The following CSMD1 variants were observed in gnomAD, a reference collection of about 807,000 sequenced individuals.
CSMD1 encodes CUB and sushi domain-containing protein 1.
CSMD1 carries 213 observed loss-of-function variants against 417.5 expected under a neutral mutation model. The observed-to-expected ratio is 0.51, with a 90% confidence interval of 0.46 to 0.57. The LOEUF is 0.57. Among genes scored for constraint, CSMD1 ranks in the 20% least tolerant of loss-of-function variants. The pLI is 0.00. For synonymous variants in CSMD1, 2,862 were observed against 1,736.8 expected, an observed-to-expected ratio of 1.65 and a Z score of -16.11; for missense variants, 6,923 against 4,529.7, an observed-to-expected ratio of 1.53 and a Z score of -15.17.
chr8:3,423,686 C>G (rs1036555978), intron 12 of CSMD1, among the ~76,000 whole-genome samples: 4 of 152,180 alleles, frequency 2.6e-5, no homozygotes, highest in Admixed American at 2.0e-4. Context: ...TGAAGAAAGT[C>G]TTACGAATGT....
At chr8:4,258,840 C>G (rs1320187259) in intron 3 of CSMD1, among the ~76,000 whole-genome samples, 2 of 152,122 alleles carry the variant, frequency 1.3e-5, no homozygotes, top group Non-Finnish European at 2.9e-5. Flanking sequence ...GAGCCCCACT[C>G]CTCATGGACA....
At chr8:3,871,571 C>A (rs1297346249) in intron 5 of CSMD1, among the ~76,000 whole-genome samples, 3 of 152,020 alleles carry the variant, frequency 2.0e-5, no homozygotes, top group African/African-American at 7.2e-5. Flanking sequence ...ATTATTGATT[C>A]ATAATTTTTA....
intron 1 of CSMD1, among the ~76,000 whole-genome samples, chr8:4,920,782 C>A (rs1348488862): frequency 6.6e-6 from 1 of 150,928 alleles, no homozygotes; most frequent in African/African-American, 2.4e-5. Context: ...AAGATTGTGC[C>A]ATTGCGGTCC....
chr8:4,237,869 G>A (rs1053196523), intron 3 of CSMD1, among the ~76,000 whole-genome samples: 20 of 152,198 alleles, frequency 1.3e-4, no homozygotes, highest in African/African-American at 4.8e-4. Flanking sequence ...TCTGGACAAT[G>A]CCTTATGTTC....
chr8:4,828,480 C>T (rs549180685), intron 1 of CSMD1, among the ~76,000 whole-genome samples: 1 of 152,208 alleles, frequency 6.6e-6, no homozygotes, highest in Non-Finnish European at 1.5e-5. Context: ...CTGCTGTTTT[C>T]TGAGTGTCTT....
At chr8:4,304,766 T>G (rs544081835) in intron 3 of CSMD1, among the ~76,000 whole-genome samples, 4 of 152,298 alleles carry the variant, frequency 2.6e-5, no homozygotes, top group African/African-American at 9.6e-5. Flanking sequence ...TAAATATACA[T>G]TACAATAAAT....
chr8:3,501,007 G>A lies in CSMD1; in HGVS notation c.1345-7281C>T, dbSNP rs550646906. On this transcript the variant is annotated intron_variant, in intron 10 of 69. Coordinates refer to ENST00000635120, the MANE Select transcript of CSMD1 (RefSeq NM_033225.6). ...AGGAAAGAAATATTGTTGCTACTTT[G>A]ATTCAAATAATATGTATTTTCCTTG... is the stretch of plus-strand genomic sequence containing the variant. Among the ~76,000 whole-genome samples the A allele has an allele frequency of 2.0e-5, 3 of 152,104 alleles. No individual in the cohort carries two copies. The South Asian group carries it at 6.2e-4, about 32-fold the overall frequency.
At chr8:3,639,222 T>TGAG in intron 7 of CSMD1, among the ~76,000 whole-genome samples, 1 of 152,338 alleles carries the variant, frequency 6.6e-6, no homozygotes. Flanking sequence ...GAGGTCTCTC[T>TGAG]GTTGGACTAG....
At chr8:3,275,894 G>A (rs1479675875) in intron 26 of CSMD1, among the ~76,000 whole-genome samples, 5 of 152,140 alleles carry the variant, frequency 3.3e-5, no homozygotes, top group African/African-American at 1.2e-4. Flanking sequence ...GTAGCTCAGA[G>A]TAATTTGATT....
At chr8:3,014,087 T>G (rs879424772) in intron 52 of CSMD1, among the ~76,000 whole-genome samples, 1 of 152,178 alleles carries the variant, frequency 6.6e-6, no homozygotes, top group Non-Finnish European at 1.5e-5. Flanking sequence ...TAATTTCTAT[T>G]ATATTATTTT....
rs985833094 is a variant in CSMD1 at position 2,972,139 on chromosome 8, T to G, written c.8923+978A>C. Among the ~76,000 whole-genome samples the G allele has an allele frequency of 7.2e-5, 11 of 152,174 alleles. No homozygotes were observed. The East Asian group carries it at 2.1e-3, about 29-fold the overall frequency. The stretch of plus-strand genomic sequence containing the variant: ...TGAAATTAATGTTACATAGATTATA[T>G]AATATAGATAGATCATATACATACA... On this transcript the variant is annotated intron_variant, in intron 57 of 69. Transcript: ENST00000635120.
intron 5 of CSMD1, among the ~76,000 whole-genome samples, chr8:3,779,182 TG>T (rs1563071638): frequency 2.0e-5 from 3 of 151,462 alleles, no homozygotes; most frequent in African/African-American, 7.3e-5. Flanking sequence ...TGTGTGTGTG[TG>T]TATGTGCAGT....
At chr8:4,590,956 A>C (rs1189153435) in intron 2 of CSMD1, among the ~76,000 whole-genome samples, 1 of 152,194 alleles carries the variant, frequency 6.6e-6, no homozygotes, top group African/African-American at 2.4e-5. Flanking sequence ...TGATTAAAAC[A>C]CACCTGGTTG....
chr8:3,750,466 G>A (rs1314300116), intron 6 of CSMD1, among the ~76,000 whole-genome samples: 2 of 151,658 alleles, frequency 1.3e-5, no homozygotes, highest in Non-Finnish European at 2.9e-5. Context: ...AATTATTATT[G>A]TTGTCTTATT....
In CSMD1 at chr8:3,998,028, G is replaced by T. The variant is rs776759317; in HGVS notation, c.693C>A (p.Asn231Lys). ...SPHFPSEYEN[N>K]ADCTWTILAE... ...CCAGAATGGTCCAGGTGCAGTCCGCGTTGTTCTCGTACTCTGAAGGGAAGT... is the reference window on the plus strand; with the variant it reads ...CCAGAATGGTCCAGGTGCAGTCCGCTTTGTTCTCGTACTCTGAAGGGAAGT... The change falls in exon 5 of 70, where the codon AAC becomes AAA. Residue 231 changes from asparagine (N) to lysine (K), a missense_variant. By Grantham distance (94) the Asn-to-Lys change is moderately conservative. Coordinates refer to ENST00000635120, the MANE Select transcript of CSMD1 (RefSeq NM_033225.6). 7 of 1,604,926 alleles carry T rather than the reference G, an allele frequency of 4.4e-6. No individual in the cohort carries two copies. The highest frequency in any genetic ancestry group is 1.3e-5 in the African/African-American group (1 of 74,798).
intron 11 of CSMD1, among the ~76,000 whole-genome samples, chr8:3,478,083 G>C (rs1431783332): frequency 1.3e-5 from 2 of 152,112 alleles, no homozygotes; most frequent in Non-Finnish European, 2.9e-5. Flanking sequence ...ACAAGCTTTA[G>C]ATTTCATTTA....
At chr8:3,464,057 A>T (rs1194846566) in intron 12 of CSMD1, among the ~76,000 whole-genome samples, 8 of 152,210 alleles carry the variant, frequency 5.3e-5, no homozygotes, top group Non-Finnish European at 1.2e-4. Context: ...ATTAGCCCAA[A>T]ATAGGTCTTG....
At chr8:3,911,423 G>C (rs1407170077) in intron 5 of CSMD1, among the ~76,000 whole-genome samples, 1 of 151,738 alleles carries the variant, frequency 6.6e-6, no homozygotes, top group Non-Finnish European at 1.5e-5. Context: ...AGTTACTCGG[G>C]AGGCTGAGGC....
intron 2 of CSMD1, among the ~76,000 whole-genome samples, chr8:4,450,001 T>A (rs1236174384): frequency 6.6e-6 from 1 of 152,170 alleles, no homozygotes; most frequent in African/African-American, 2.4e-5. Context: ...GTCCTAGCCA[T>A]CTCTCCTGCT....
Sources: allele counts gnomAD v4.1 joint callset (sites outside exome capture counted in the v4.1 genomes callset), GRCh38; gene constraint gnomAD v4.1.1; transcripts MANE v1.5; gene names NCBI Gene and HGNC (gene_info 2026-07-23, HGNC 2026-07-21).